Variants in FGF14 observed in about 807,000 individuals in gnomAD.
FGF14 encodes fibroblast growth factor 14.
A neutral mutation model predicts 25.5 loss-of-function variants in FGF14; 5 were observed. That is an observed-to-expected ratio of 0.20 (90% CI 0.10 to 0.41). The LOEUF is 0.41. Ranked by LOEUF, FGF14 falls within the 10% of genes least tolerant of loss-of-function variation. The pLI, the probability that FGF14 is intolerant of heterozygous loss-of-function variation, is 1.00. For missense variants in FGF14, 222 were observed against 320.1 expected, an observed-to-expected ratio of 0.69 and a Z score of 2.34; for synonymous variants, 138 against 118.3, an observed-to-expected ratio of 1.17 and a Z score of -1.08.
At chr13:102,021,119 G>A (rs941968864) in intron 1 of FGF14, among the ~76,000 whole-genome samples, 7 of 151,862 alleles carry the variant, frequency 4.6e-5, no homozygotes, top group African/African-American at 1.2e-4. Context: ...AGATAAGGGC[G>A]CCAAAGAACA....
intron 1 of FGF14, among the ~76,000 whole-genome samples, chr13:101,906,859 A>T (rs1594679549): frequency 6.6e-6 from 1 of 152,208 alleles, no homozygotes; most frequent in South Asian, 2.1e-4. Context: ...AGAACATATT[A>T]TCAATACTTG....
At chr13:102,233,262 G>A (rs916373184) in intron 1 of FGF14, among the ~76,000 whole-genome samples, 1 of 151,998 alleles carries the variant, frequency 6.6e-6, no homozygotes, top group Non-Finnish European at 1.5e-5. Context: ...AGCCTCCCAA[G>A]TAGCTGGGAT....
chr13:102,349,799 T>G (rs144209074), intron 1 of FGF14, among the ~76,000 whole-genome samples: 1 of 152,198 alleles, frequency 6.6e-6, no homozygotes, highest in Non-Finnish European at 1.5e-5. Flanking sequence ...TCTGGGAATA[T>G]GTACTTTCAC....
chr13:102,241,416 C>CA (rs2051593748), intron 1 of FGF14, among the ~76,000 whole-genome samples: 2 of 152,118 alleles, frequency 1.3e-5, no homozygotes, highest in African/African-American at 2.4e-5. Flanking sequence ...CCCATACAAT[C>CA]CATGTGGCCA....
In FGF14 at chr13:102,231,044, C is replaced by G. The variant is rs187630319; in HGVS notation, c.208+170427G>C. Among the ~76,000 whole-genome samples the G allele has an allele frequency of 3.0e-4, 46 of 152,298 alleles. No homozygotes were observed. In the East Asian group the frequency reaches 8.1e-3, roughly 27 times the overall value. On this transcript the variant is annotated intron_variant, in intron 1 of 4. Coordinates refer to the FGF14 transcript ENST00000376131. ...CTTGATTCAAAATGTATTATTTCCACTGAATTATTTCCCTTTTCTTTTTTG... is the reference window on the plus strand; with the variant it reads ...CTTGATTCAAAATGTATTATTTCCAGTGAATTATTTCCCTTTTCTTTTTTG...
intron 1 of FGF14, among the ~76,000 whole-genome samples, chr13:101,985,062 T>A (rs927943603): frequency 7.2e-6 from 1 of 139,316 alleles, no homozygotes; most frequent in Non-Finnish European, 1.5e-5. Flanking sequence ...TGGCCATGAA[T>A]TCAAGGGTTT....
At chr13:102,368,876 T>C (rs2057793130) in intron 1 of FGF14, among the ~76,000 whole-genome samples, 1 of 152,212 alleles carries the variant, frequency 6.6e-6, no homozygotes, top group South Asian at 2.1e-4. Flanking sequence ...TTTAATAGCA[T>C]ATAAAGCTGA....
chr13:101,747,126 C>T (rs927932837), intron 3 of FGF14, among the ~76,000 whole-genome samples: 2 of 151,660 alleles, frequency 1.3e-5, no homozygotes, highest in Admixed American at 6.6e-5. Context: ...GATAATGAGC[C>T]CCAAATAAGA....
intron 1 of FGF14, among the ~76,000 whole-genome samples, chr13:102,086,423 G>A (rs904822198): frequency 1.3e-5 from 2 of 151,964 alleles, no homozygotes; most frequent in African/African-American, 2.4e-5. Flanking sequence ...CCAGCTACTC[G>A]GGAGGCTGAG....
At chr13:102,268,211 G>A (rs2053083885) in intron 1 of FGF14, among the ~76,000 whole-genome samples, 1 of 152,070 alleles carries the variant, frequency 6.6e-6, no homozygotes, top group Non-Finnish European at 1.5e-5. Flanking sequence ...TCCAACATAA[G>A]TCCAAGCACA....
At chr13:102,196,280 C>T (rs2049346688) in intron 1 of FGF14, among the ~76,000 whole-genome samples, 1 of 152,160 alleles carries the variant, frequency 6.6e-6, no homozygotes. Context: ...AGTCTTGTGG[C>T]CTCCAGCCAC....
At chr13:101,911,347 T>C (rs1052078952) in intron 1 of FGF14, among the ~76,000 whole-genome samples, 2 of 152,124 alleles carry the variant, frequency 1.3e-5, no homozygotes, top group African/African-American at 4.8e-5. Flanking sequence ...GGTCACAGGA[T>C]TTCTTCACCA....
At chr13:102,264,098 C>T (rs773927748) in intron 1 of FGF14, among the ~76,000 whole-genome samples, 11 of 150,704 alleles carry the variant, frequency 7.3e-5, no homozygotes, top group Non-Finnish European at 1.0e-4. Context: ...ATAATAAATT[C>T]GGGGAACCAA....
intron 1 of FGF14, among the ~76,000 whole-genome samples, chr13:102,309,400 C>T (rs189780494): frequency 3.9e-5 from 6 of 152,258 alleles, no homozygotes; most frequent in Admixed American, 2.0e-4. Flanking sequence ...GCTGAAATGA[C>T]GGGGCTATCA....
At chr13:101,916,224 C>T (rs1229726903) in intron 1 of FGF14, among the ~76,000 whole-genome samples, 2 of 152,250 alleles carry the variant, frequency 1.3e-5, no homozygotes, top group Non-Finnish European at 2.9e-5. Context: ...CAGGAGCCGC[C>T]GGCGAGGAGC....
chr13:102,004,627 A>G (rs770561320), intron 1 of FGF14, among the ~76,000 whole-genome samples: 2 of 152,108 alleles, frequency 1.3e-5, no homozygotes, highest in African/African-American at 4.8e-5. Context: ...TTCCTCAGTA[A>G]TTATCTTGAC....
chr13:102,181,818 T>C (rs2048686643), intron 1 of FGF14, among the ~76,000 whole-genome samples: 1 of 152,150 alleles, frequency 6.6e-6, no homozygotes, highest in Non-Finnish European at 1.5e-5. Flanking sequence ...TGTCAGGTAA[T>C]GTATTCACAG....
chr13:101,984,011 A>C (rs1397240500), intron 1 of FGF14, among the ~76,000 whole-genome samples: 1 of 152,176 alleles, frequency 6.6e-6, no homozygotes, highest in African/African-American at 2.4e-5. Context: ...CAGGTTTTCC[A>C]CTTACTATTT....
intron 1 of FGF14, among the ~76,000 whole-genome samples, chr13:101,938,028 T>C (rs2035215672): frequency 6.6e-6 from 1 of 152,210 alleles, no homozygotes; most frequent in South Asian, 2.1e-4. Flanking sequence ...AAGGCCTGCC[T>C]TCATGCACCG....
Sources: gnomAD v4.1 joint callset for allele counts (sites outside exome capture counted in the v4.1 genomes callset) on GRCh38, gnomAD v4.1.1 for gene constraint, MANE v1.5 for transcripts, NCBI Gene and HGNC (gene_info 2026-07-23, HGNC 2026-07-21) for gene names.